ZNF710: variants seen among roughly 807,000 people sequenced by gnomAD.
ZNF710 encodes zinc finger protein 710.
Under a neutral mutation model 50.6 loss-of-function variants are expected in ZNF710, and 13 were observed. That is an observed-to-expected ratio of 0.26 (90% confidence interval 0.17 to 0.41). The LOEUF (loss-of-function observed/expected upper bound fraction) is 0.41, where lower values mean the gene tolerates loss of function less well. ZNF710 is among the 10% of genes least tolerant of loss of function. ZNF710 has a pLI of 1.00. For synonymous variants in ZNF710, 383 were observed against 397.0 expected (o/e 0.96, Z 0.42); for missense variants, 721 against 936.6 (o/e 0.77, Z 3.01).
At chr15:90,000,679 C>A (rs1056029065), upstream of ZNF710, among the ~76,000 whole-genome samples, 1 of 152,242 alleles carries the variant, frequency 6.6e-6, no homozygotes, top group Admixed American at 6.5e-5. Flanking sequence ...CCAGGCCCAT[C>A]TGCCTACTTT....
chr15:90,066,301 C>G (rs1465396809), intron 1 of ZNF710, among the ~76,000 whole-genome samples: 1 of 152,062 alleles, frequency 6.6e-6, no homozygotes. Flanking sequence ...AACACCTCAC[C>G]GCACAGTCCC....
Position 90,079,695 on chromosome 15 carries a change from G to A in ZNF710, c.1861G>A (p.Glu621Lys). Reference protein sequence around the residue: ...MMELTGTDPSELDGQQEMEDF... With the variant: ...MMELTGTDPSKLDGQQEMEDF... ...GGAGCTGACAGGCACTGACCCTTCA[G>A]AGCTCGACGGCCAGCAGGAGATGGA... is the stretch of plus-strand genomic sequence containing the variant. The change falls in exon 5 of 5, where the codon GAG (glutamate) becomes AAG (lysine). Residue 621 changes from glutamate (E) to lysine (K), a missense_variant. Around this residue, in one of 3 missense-constraint regions of ZNF710, gnomAD observed 69 missense variants for 67.6 expected, o/e 1.02. Transcript: ENST00000268154. 6.2e-7 allele frequency: 1 copy of A among 1,614,004 alleles called. No homozygotes were observed. The highest frequency in any genetic ancestry group is 8.5e-7 in the Non-Finnish European group (1 of 1,179,960).
At chr15:90,006,777 A>C (rs1159846130) in intron 1 of ZNF710, 1 of 154,824 alleles carries the variant, frequency 6.5e-6, no homozygotes, top group Non-Finnish European at 1.5e-5. Flanking sequence ...TGAGTTAGAG[A>C]TGCAGAGCCC....
intron 1 of ZNF710, among the ~76,000 whole-genome samples, chr15:90,042,401 C>T (rs1596283695): frequency 1.3e-5 from 2 of 152,094 alleles, no homozygotes; most frequent in East Asian, 1.9e-4. Context: ...CTCAGGGCTC[C>T]GGACTGGTCC....
chr15:90,046,446 A>T (rs1429745359), intron 1 of ZNF710, among the ~76,000 whole-genome samples: 1 of 152,092 alleles, frequency 6.6e-6, no homozygotes, highest in Non-Finnish European at 1.5e-5. Flanking sequence ...GGCCTCAGGG[A>T]AGGGGCCATA....
intron 1 of ZNF710, among the ~76,000 whole-genome samples, chr15:90,065,426 C>T (rs1900137101): frequency 6.6e-6 from 1 of 152,188 alleles, no homozygotes; most frequent in South Asian, 2.1e-4. Flanking sequence ...GGGGTATAGG[C>T]CCAGGAGGAG....
chr15:90,068,091 C>A lies in ZNF710; in HGVS notation c.954C>A (p.Asn318Lys), dbSNP rs141277401. The change falls in exon 2 of 5, where the codon AAC (asparagine) becomes AAA (lysine). Residue 318 changes from asparagine to lysine, a missense_variant. Asn to Lys is a moderately conservative substitution (Grantham distance 94). Coordinates refer to ENST00000268154, the MANE Select transcript of ZNF710 (RefSeq NM_198526.4). This position sits in a 1 kb window ranked among gnomAD's most constrained non-coding sequence, Gnocchi z 5.0. ...TGGTGACGCACATCCTGGGCCACAA[C>A]GGCATCAAGCCACACTCGTGCCCAC... ...YNLVTHILGH[N>K]GIKPHSCPHC... 1 of 1,614,270 alleles carries A rather than the reference C, an allele frequency of 6.2e-7. No individual in the cohort carries two copies. Among genetic ancestry groups the A allele is most frequent in the Admixed American group, 1.7e-5 (1 of 60,038 alleles).
At chr15:90,014,949 A>G (rs1316591795) in intron 1 of ZNF710, among the ~76,000 whole-genome samples, 4 of 151,050 alleles carry the variant, frequency 2.6e-5, no homozygotes, top group East Asian at 3.9e-4. Context: ...CTGAAGTACA[A>G]TGGCGCGATC....
intron 1 of ZNF710, chr15:90,002,683 T>G (rs1402492681): frequency 6.6e-6 from 1 of 152,286 alleles, no homozygotes; most frequent in African/African-American, 2.4e-5. Flanking sequence ...CGTATCGGGT[T>G]TTTTTCCAAC....
At chr15:90,000,534 G>C (rs1365222137), upstream of ZNF710, among the ~76,000 whole-genome samples, 2 of 152,184 alleles carry the variant, frequency 1.3e-5, no homozygotes, top group Non-Finnish European at 2.9e-5. Context: ...GATCCCAGCA[G>C]CTGCCCTGAG....
At chr15:90,038,649 A>G (rs996728963) in intron 1 of ZNF710, among the ~76,000 whole-genome samples, 16 of 151,286 alleles carry the variant, frequency 1.1e-4, no homozygotes, top group Middle Eastern at 3.4e-3. Flanking sequence ...ATCTTCATGC[A>G]TTACATTTGG....
intron 1 of ZNF710, among the ~76,000 whole-genome samples, chr15:90,017,319 T>C (rs1315188237): frequency 6.6e-6 from 1 of 152,202 alleles, no homozygotes; most frequent in Non-Finnish European, 1.5e-5. Context: ...TCCTCCTTGC[T>C]GATGAGAAAT....
intron 1 of ZNF710, among the ~76,000 whole-genome samples, chr15:90,051,041 C>A (rs1899627171): frequency 6.6e-6 from 1 of 151,748 alleles, no homozygotes; most frequent in African/African-American, 2.4e-5. Context: ...GAGTTGGAGA[C>A]CAACCTGGCC....
At chr15:90,044,031 G>C (rs965300476) in intron 1 of ZNF710, among the ~76,000 whole-genome samples, 6 of 152,182 alleles carry the variant, frequency 3.9e-5, no homozygotes, top group African/African-American at 1.4e-4. Context: ...GAGAGAGGGA[G>C]AATATGTTTT....
At chr15:90,063,269 G>A (rs1461130247) in intron 1 of ZNF710, among the ~76,000 whole-genome samples, 2 of 152,210 alleles carry the variant, frequency 1.3e-5, no homozygotes, top group African/African-American at 4.8e-5. Flanking sequence ...ACACGGGCCT[G>A]GCTGCAGACC....
In ZNF710 at chr15:90,066,774, G is replaced by A. The variant is rs557682783; in HGVS notation, c.-28-336G>A. Among the ~76,000 whole-genome samples the A allele has an allele frequency of 1.1e-4, 16 of 152,114 alleles. No individual in the cohort carries two copies. The South Asian group carries it at 2.1e-3, about 20-fold the overall frequency. On this transcript the variant is annotated intron_variant, in intron 1 of 4. Transcript: ENST00000268154. ...ATTACAGATGTGAGCCACCATGCCCGGTCTTTTTAAGGAATTCTTGAAGGA... is the reference window on the plus strand; with the variant it reads ...ATTACAGATGTGAGCCACCATGCCCAGTCTTTTTAAGGAATTCTTGAAGGA...
At chr15:90,069,580 C>T (rs1900307085) in intron 2 of ZNF710, among the ~76,000 whole-genome samples, 1 of 152,112 alleles carries the variant, frequency 6.6e-6, no homozygotes, top group African/African-American at 2.4e-5. Flanking sequence ...CAGAGGGTGT[C>T]CTTTGTTCCT....
chr15:90,020,345 C>T (rs1567222689), intron 1 of ZNF710, among the ~76,000 whole-genome samples: 1 of 152,194 alleles, frequency 6.6e-6, no homozygotes, highest in Non-Finnish European at 1.5e-5. Context: ...AGCCCCTTCC[C>T]TCCTCCAGCT....
At chr15:90,002,919 G>A (rs1476846531) in intron 1 of ZNF710, among the ~76,000 whole-genome samples, 1 of 152,154 alleles carries the variant, frequency 6.6e-6, no homozygotes, top group Non-Finnish European at 1.5e-5. Flanking sequence ...TGTCGCCCAG[G>A]CTGGAGTGCA....
Sources: gnomAD v4.1 joint callset for allele counts (sites outside exome capture counted in the v4.1 genomes callset) on GRCh38, gnomAD v4.1.1 for gene constraint, gnomAD v4.1.1 regional missense constraint, Gnocchi (gnomAD v3.1) non-coding constraint, MANE v1.5 for transcripts, NCBI Gene and HGNC (gene_info 2026-07-23, HGNC 2026-07-21) for gene names.